Variants in ENTPD1 observed in about 807,000 individuals in gnomAD.
ENTPD1 encodes the protein ATP diphosphohydrolase.
A neutral mutation model predicts 57.0 loss-of-function variants in ENTPD1; 33 were observed. The observed-to-expected ratio is 0.58, with a 90% CI of 0.44 to 0.77. The LOEUF (loss-of-function observed/expected upper bound fraction) is 0.77, where lower values mean the gene tolerates loss of function less well. Among genes scored for constraint, ENTPD1 ranks in the 30% least tolerant of loss-of-function variants. The pLI, the probability that ENTPD1 is intolerant of heterozygous loss-of-function variation, is 0.00. For missense variants in ENTPD1, 501 were observed against 603.4 expected, an observed-to-expected ratio of 0.83 and a Z score of 1.78; for synonymous variants, 202 against 218.8, an observed-to-expected ratio of 0.92 and a Z score of 0.68.
At chr10:95,847,072 T>C (rs2098437189) in intron 6 of ENTPD1, among the ~76,000 whole-genome samples, 1 of 152,146 alleles carries the variant, frequency 6.6e-6, no homozygotes, top group Non-Finnish European at 1.5e-5. Context: ...TTATGTAGGC[T>C]CCTGGAGAAC....
intron 1 of ENTPD1, among the ~76,000 whole-genome samples, chr10:95,728,496 T>C (rs1013893559): frequency 6.6e-6 from 1 of 152,194 alleles, no homozygotes; most frequent in African/African-American, 2.4e-5. Context: ...TTCATCTTTT[T>C]CTTGTAATGG....
At chr10:95,717,711 C>G (rs2097973100) in intron 1 of ENTPD1, among the ~76,000 whole-genome samples, 1 of 152,148 alleles carries the variant, frequency 6.6e-6, no homozygotes, top group Non-Finnish European at 1.5e-5. Flanking sequence ...CGGGAAAACC[C>G]AAGTGCTGTT....
intron 1 of ENTPD1, among the ~76,000 whole-genome samples, chr10:95,728,996 A>G (rs2097986562): frequency 6.6e-6 from 1 of 152,152 alleles, no homozygotes; most frequent in South Asian, 2.1e-4. Context: ...TTATGCATTC[A>G]TGACATACCT....
intron 1 of ENTPD1, among the ~76,000 whole-genome samples, chr10:95,717,852 CG>C: frequency 6.6e-6 from 1 of 152,252 alleles, no homozygotes; most frequent in Non-Finnish European, 1.5e-5. Context: ...GCTAGCAGGC[CG>C]GTCCAGGGGT....
At chr10:95,749,404 T>C (rs1421384033) in intron 1 of ENTPD1, among the ~76,000 whole-genome samples, 1 of 152,230 alleles carries the variant, frequency 6.6e-6, no homozygotes, top group Non-Finnish European at 1.5e-5. Flanking sequence ...TCTTTTCTTA[T>C]ACTTTGGCCA....
At chr10:95,833,772 G>T in intron 2 of ENTPD1, 1 of 153,362 alleles carries the variant, frequency 6.5e-6, no homozygotes, top group South Asian at 1.8e-4. Context: ...GTAAGGGCCT[G>T]GTCTCTGCTT....
chr10:95,837,420 G>A (rs941884743), intron 2 of ENTPD1, among the ~76,000 whole-genome samples: 1 of 152,218 alleles, frequency 6.6e-6, no homozygotes, highest in Non-Finnish European at 1.5e-5. Flanking sequence ...CTTAGTCAGT[G>A]TTCCTCTCTG....
At chr10:95,699,649 G>A in the ENTPD1 span, among the ~76,000 whole-genome samples, 1 of 151,344 alleles carries the variant, frequency 6.6e-6, no homozygotes, top group Admixed American at 6.6e-5. Flanking sequence ...AAAGAGAGAA[G>A]AAAAGAAAGG....
At chr10:95,809,790 C>T (rs192072504) in intron 1 of ENTPD1, among the ~76,000 whole-genome samples, 5,723 of 147,294 alleles carry the variant, frequency 0.039, 148 homozygotes, top group Non-Finnish European at 0.06. Context: ...ACCTCCCAGA[C>T]GGGGCGGCGG....
intron 1 of ENTPD1, among the ~76,000 whole-genome samples, chr10:95,722,478 G>A (rs1239374549): frequency 6.6e-6 from 1 of 151,992 alleles, no homozygotes; most frequent in Non-Finnish European, 1.5e-5. Flanking sequence ...AAAAAATGAT[G>A]AGTTCATGTC....
At chr10:95,757,728 G>A (rs2098033961) in intron 1 of ENTPD1, among the ~76,000 whole-genome samples, 1 of 152,106 alleles carries the variant, frequency 6.6e-6, no homozygotes, top group South Asian at 2.1e-4. Flanking sequence ...TGGGGGGCTG[G>A]ATGTGGTGGC....
In ENTPD1 at chr10:95,870,373, C is replaced by G; in HGVS notation, c.*3990C>G. 1.2e-5 allele frequency: 10 copies of G among 865,306 alleles called. No individual in the cohort carries two copies. Among genetic ancestry groups the G allele is most frequent in the Non-Finnish European group, 1.4e-5 (10 of 720,672 alleles). 53.6% of individuals were successfully genotyped at this position (865,306 alleles called of 1,614,324 possible). ...GATCATGGCTCACTGCAGCCTCGAC[C>G]TCCCAAGCTCAAGCAAGGCTACAGG... is the stretch of plus-strand genomic sequence containing the variant. On this transcript the variant is annotated 3_prime_UTR_variant, in exon 10 of 10. Coordinates refer to ENST00000371205, the MANE Select transcript of ENTPD1 (RefSeq NM_001776.6).
At chr10:95,760,724 G>A (rs1185649557) in intron 1 of ENTPD1, among the ~76,000 whole-genome samples, 1 of 147,776 alleles carries the variant, frequency 6.8e-6, no homozygotes, top group East Asian at 2.1e-4. Flanking sequence ...GGGCACTAGT[G>A]TTTAATCGCA....
At chr10:95,694,989 C>T in the ENTPD1 span, among the ~76,000 whole-genome samples, 3 of 148,898 alleles carry the variant, frequency 2.0e-5, no homozygotes. Flanking sequence ...CAACCTCTGC[C>T]TCTAGGATTC....
chr10:95,828,181 A>G (rs901533618), intron 2 of ENTPD1, among the ~76,000 whole-genome samples: 1 of 152,202 alleles, frequency 6.6e-6, no homozygotes, highest in Non-Finnish European at 1.5e-5. Context: ...CCTGAGCTCC[A>G]TCTCCTGTCA....
At chr10:95,834,526 CTGAA>C (rs2098404879) in intron 2 of ENTPD1, among the ~76,000 whole-genome samples, 1 of 152,122 alleles carries the variant, frequency 6.6e-6, no homozygotes, top group Admixed American at 6.6e-5. Context: ...GAGGTGTTTT[CTGAA>C]TGAGAAGAGG....
intron 7 of ENTPD1, among the ~76,000 whole-genome samples, chr10:95,855,092 A>C (rs1045872632): frequency 2.0e-5 from 3 of 152,120 alleles, no homozygotes; most frequent in African/African-American, 7.2e-5. Context: ...GTGGGTCACT[A>C]AGGACTTGCT....
the ENTPD1 span, among the ~76,000 whole-genome samples, chr10:95,702,403 C>T: frequency 6.6e-6 from 1 of 150,668 alleles, no homozygotes; most frequent in Non-Finnish European, 1.5e-5. Context: ...CAGCAGAGGG[C>T]AGGATTAGTG....
intron 7 of ENTPD1, among the ~76,000 whole-genome samples, chr10:95,853,544 T>G (rs940516663): frequency 6.6e-6 from 1 of 152,200 alleles, no homozygotes; most frequent in Non-Finnish European, 1.5e-5. Flanking sequence ...TTTTTGCCCA[T>G]TCAGTATGAT....
Sources: gnomAD v4.1 joint callset for allele counts (sites outside exome capture counted in the v4.1 genomes callset) on GRCh38, gnomAD v4.1.1 for gene constraint, MANE v1.5 for transcripts, NCBI Gene and HGNC (gene_info 2026-07-23, HGNC 2026-07-21) for gene names.